MAP3K4: variants seen among roughly 807,000 people sequenced by gnomAD.
MAP3K4 encodes mitogen-activated protein kinase kinase kinase 4.
A neutral mutation model predicts 185.6 loss-of-function variants in MAP3K4; 67 were observed. The ratio of observed to expected loss-of-function variants is 0.36; its 90% CI spans 0.30 to 0.44. The LOEUF (loss-of-function observed/expected upper bound fraction) is 0.44. Ranked by LOEUF, MAP3K4 falls within the 20% of genes least tolerant of loss-of-function variation. The probability of loss-of-function intolerance (pLI) is 1.00; values close to 1 mark genes in which losing one functional copy is unlikely to be tolerated. For synonymous variants in MAP3K4, 702 were observed against 710.4 expected, an observed-to-expected ratio of 0.99 and a Z score of 0.19; for missense variants, 1,551 against 1,995.1, an observed-to-expected ratio of 0.78 and a Z score of 4.24.
Position 161,067,291 on chromosome 6 carries a change from T to TCA in MAP3K4, c.1708-3314_1708-3313dup, listed in dbSNP as rs1417666581. On this transcript the variant is annotated intron_variant, in intron 3 of 26. Coordinates refer to ENST00000392142, the MANE Select transcript of MAP3K4 (RefSeq NM_005922.4). The surrounding 1 kb of genome is among the most constrained non-coding windows in gnomAD (Gnocchi z 6.3). ...TCGAAGCAGGGATGGGGCTTGCAGG[T>TCA]CACAGGTAGGTAAGAGACAAAACGT... is the stretch of plus-strand genomic sequence containing the variant. 2 of 434,028 alleles carry TCA rather than the reference T, an allele frequency of 4.6e-6. No individual in the cohort carries two copies. The highest frequency in any genetic ancestry group is 3.3e-5 in the South Asian group (2 of 60,344). The allele number at this position is 434,028 out of a possible 1,614,324, so 26.9% of individuals were successfully genotyped here.
At position 161,093,250 on chromosome 6, in the gene MAP3K4, G is replaced by A. The variant is rs1026894553; in HGVS notation, c.3348+194G>A. On this transcript the variant is annotated intron_variant, in intron 14 of 26. Transcript: ENST00000392142. The surrounding 1 kb of genome is among the most constrained non-coding windows in gnomAD (Gnocchi z 5.2). ...GATTTTTTTTCTTTTTGTAACATTA[G>A]TGTTCAACTAAGTCAATGTCTGGTT... 1.3e-5 allele frequency among the ~76,000 whole-genome samples: 2 copies of A among 151,972 alleles called. No homozygotes were observed. The highest frequency in any genetic ancestry group is 6.5e-5 in the Admixed American group (1 of 15,268).
At chr6:161,032,784 G>C (rs1782990902) in intron 1 of MAP3K4, among the ~76,000 whole-genome samples, 1 of 152,168 alleles carries the variant, frequency 6.6e-6, no homozygotes, top group African/African-American at 2.4e-5. Context: ...AAATAATGTA[G>C]TTTAAGGAAA....
rs1777565951 is a variant in MAP3K4 at position 161,096,224 on chromosome 6, A to G, written c.3428-856A>G. On this transcript the variant is annotated intron_variant, in intron 15 of 26. Transcript: ENST00000392142. The surrounding 1 kb of genome is among the most constrained non-coding windows in gnomAD (Gnocchi z 4.9). ...CTGTCTCTCTTGTTTCCCCTTATTA[A>G]TAGGAAACAAAATCATGAAGAAACA... Among the ~76,000 whole-genome samples, 1 of 152,080 alleles carries G rather than the reference A, an allele frequency of 6.6e-6. No homozygotes were observed.
rs1785148671 is a variant in MAP3K4, at chr6:161,075,808, ATC to A, written c.2097+2202_2097+2203del. Among the ~76,000 whole-genome samples the A allele has an allele frequency of 6.6e-6, 1 of 152,192 alleles. No homozygotes were observed. The highest frequency in any genetic ancestry group is 1.5e-5 in the Non-Finnish European group (1 of 68,034). On this transcript the variant is annotated intron_variant, in intron 5 of 26. Coordinates refer to ENST00000392142, the MANE Select transcript of MAP3K4 (RefSeq NM_005922.4). The surrounding 1 kb of genome is among the most constrained non-coding windows in gnomAD (Gnocchi z 4.3). ...TTTGGCATTACTGTCAATTATCCAC[ATC>A]TCTCTTCTTACAGATGAAAAAACTA...
At chr6:161,033,770 C>T (rs995933067) in intron 1 of MAP3K4, among the ~76,000 whole-genome samples, 1 of 152,066 alleles carries the variant, frequency 6.6e-6, no homozygotes, top group Non-Finnish European at 1.5e-5. Flanking sequence ...CAAAGTGCTC[C>T]TATACATTCT....
At chr6:161,031,464 A>T (rs1364481543) in intron 1 of MAP3K4, among the ~76,000 whole-genome samples, 1 of 152,184 alleles carries the variant, frequency 6.6e-6, no homozygotes, top group African/African-American at 2.4e-5. Flanking sequence ...CTCAATTCCC[A>T]TGGCATGTAG....
chr6:161,103,563 C>T lies in MAP3K4; in HGVS notation c.3856+784C>T, dbSNP rs181915376. On this transcript the variant is annotated intron_variant, in intron 19 of 26. Transcript: ENST00000392142. The surrounding 1 kb of genome is among the most constrained non-coding windows in gnomAD (Gnocchi z 4.6). Reference sequence around the variant, plus strand: ...GTGACTACAGGGGAGAGCCACTGGGCGCAGATGCCAATGCAGGAGAAACTG... The same window carrying T: ...GTGACTACAGGGGAGAGCCACTGGGTGCAGATGCCAATGCAGGAGAAACTG... Among the ~76,000 whole-genome samples the T allele has an allele frequency of 1.1e-4, 17 of 152,218 alleles. No individual in the cohort carries two copies. The East Asian group carries it at 1.5e-3, about 14-fold the overall frequency.
chr6:161,092,856 A>C (rs563865373), intron 13 of MAP3K4, 122 bp from the exon 14 acceptor site: 1 of 539,610 alleles, frequency 1.9e-6, no homozygotes, highest in Admixed American at 3.4e-5. Context: ...AACCCAAGCA[A>C]AAAAAAGTGT....
In MAP3K4 at chr6:161,104,810, C is replaced by G. The variant is rs368511676; in HGVS notation, c.3857-1704C>G. ...GGCCTCACTGCTGTCAAAATCTTGC[C>G]CTGTGCTGGGTAGATTTGCAGTGTT... is the stretch of plus-strand genomic sequence containing the variant. On this transcript the variant is annotated intron_variant, in intron 19 of 26. Coordinates refer to ENST00000392142, the MANE Select transcript of MAP3K4 (RefSeq NM_005922.4). 5.9e-5 allele frequency among the ~76,000 whole-genome samples: 9 copies of G among 152,008 alleles called. No homozygotes were observed. In the East Asian group the frequency reaches 1.5e-3, roughly 26 times the overall value.
intron 15 of MAP3K4, among the ~76,000 whole-genome samples, chr6:161,095,342 G>C (rs1303898549): frequency 1.5e-4 from 23 of 152,204 alleles, no homozygotes; most frequent in Admixed American, 1.5e-3. Flanking sequence ...GTAAATTCTA[G>C]TGTTCCATAC....
Position 161,107,270 on chromosome 6 carries a change from G to A in MAP3K4, c.4048+565G>A, listed in dbSNP as rs536072192. 4.1e-4 allele frequency among the ~76,000 whole-genome samples: 62 copies of A among 152,122 alleles called. 1 individual carries two copies. The highest frequency in any genetic ancestry group is 8.4e-4 in the Non-Finnish European group (57 of 68,026). ...AATATATTTATCTGTCACACATCTA[G>A]GTCTGAAGGGGGCGAACACAGTTGT... On this transcript the variant is annotated intron_variant, in intron 20 of 26. Transcript: ENST00000392142. The surrounding 1 kb of genome is among the most constrained non-coding windows in gnomAD (Gnocchi z 6.2).
At position 161,034,421 on chromosome 6, in the gene MAP3K4, G is replaced by C. The variant is rs1374138256; in HGVS notation, c.315G>C (p.Gly105=). The change falls in exon 2 of 27, where the codon GGG becomes GGC. Residue 105 remains glycine, a synonymous_variant. Transcript: ENST00000392142. The surrounding 1 kb of genome is among the most constrained non-coding windows in gnomAD (Gnocchi z 4.4). The part of the protein sequence containing the change: ...MSTKHQRNNV[G]RPASRSNLKE... The stretch of plus-strand genomic sequence containing the variant: ...CCAAACATCAGAGGAATAATGTGGG[G>C]AGGCCAGCCAGTCGGTCTAATTTGA... 8.7e-6 allele frequency: 14 copies of C among 1,613,786 alleles called. No individual in the cohort carries two copies. The highest frequency in any genetic ancestry group is 1.7e-5 in the Admixed American group (1 of 60,002).
intron 3 of MAP3K4, among the ~76,000 whole-genome samples, chr6:161,052,674 TAA>T: frequency 6.6e-6 from 1 of 152,144 alleles, no homozygotes; most frequent in Non-Finnish European, 1.5e-5. Context: ...AGTGGGAAAG[TAA>T]GATTTTATTT....
chr6:160,993,508 G>A (rs546947222), intron 1 of MAP3K4, among the ~76,000 whole-genome samples: 1 of 152,262 alleles, frequency 6.6e-6, no homozygotes, highest in Non-Finnish European at 1.5e-5. Flanking sequence ...GAGGCACACA[G>A]TTTAAGTATC....
At position 160,996,128 on chromosome 6, in the gene MAP3K4, A is replaced by G. The variant is rs989315447; in HGVS notation, c.152+4045A>G. 6.7e-6 allele frequency among the ~76,000 whole-genome samples: 1 copy of G among 149,066 alleles called. No homozygotes were observed. The highest frequency in any genetic ancestry group is 2.5e-5 in the African/African-American group (1 of 39,686). ...GTTTCAGTCTTGACCTTGTATGTCAACTGTTCTCCCTGGCAAAGTCAGCCT... is the reference window on the plus strand; with the variant it reads ...GTTTCAGTCTTGACCTTGTATGTCAGCTGTTCTCCCTGGCAAAGTCAGCCT... On this transcript the variant is annotated intron_variant, in intron 1 of 26. Transcript: ENST00000392142. This position sits in a 1 kb window ranked among gnomAD's most constrained non-coding sequence, Gnocchi z 4.5.
intron 1 of MAP3K4, among the ~76,000 whole-genome samples, chr6:161,010,221 A>G (rs2115075525): frequency 6.6e-6 from 1 of 152,294 alleles, no homozygotes; most frequent in South Asian, 2.1e-4. Context: ...GCCTGGTACT[A>G]TATGCACCAC....
rs189788406 is a variant in MAP3K4 at position 161,053,678 on chromosome 6, G to T, written c.1707+3699G>T. On this transcript the variant is annotated intron_variant, in intron 3 of 26. Coordinates refer to ENST00000392142, the MANE Select transcript of MAP3K4 (RefSeq NM_005922.4). This position sits in a 1 kb window ranked among gnomAD's most constrained non-coding sequence, Gnocchi z 4.2. ...AAGATCTCGGCTCACTGCAACCTCT[G>T]TCTCCCGGGTTCAGGCAATTCTCCT... 6.7e-6 allele frequency among the ~76,000 whole-genome samples: 1 copy of T among 150,352 alleles called. No individual in the cohort carries two copies. The highest frequency in any genetic ancestry group is 2.5e-5 in the African/African-American group (1 of 40,624).
Position 161,109,316 on chromosome 6 carries a change from T to C in MAP3K4, c.4237-439T>C, listed in dbSNP as rs1778243737. On this transcript the variant is annotated intron_variant, in intron 22 of 26. Transcript: ENST00000392142. The surrounding 1 kb of genome is among the most constrained non-coding windows in gnomAD (Gnocchi z 5.7). Reference sequence around the variant, plus strand: ...ACACGTCGAGGGAAAGAGGATAACTTGGAGCATCGTGGTGTAGAGCATGAG... The same window carrying C: ...ACACGTCGAGGGAAAGAGGATAACTCGGAGCATCGTGGTGTAGAGCATGAG... Among the ~76,000 whole-genome samples, 1 of 152,152 alleles carries C rather than the reference T, an allele frequency of 6.6e-6. No homozygotes were observed. The highest frequency in any genetic ancestry group is 2.1e-4 in the South Asian group (1 of 4,824).
At chr6:161,023,253 A>G (rs1437777897) in intron 1 of MAP3K4, among the ~76,000 whole-genome samples, 7 of 152,222 alleles carry the variant, frequency 4.6e-5, no homozygotes, top group Non-Finnish European at 1.0e-4. Flanking sequence ...AAACTTTATC[A>G]TGATAGTAAA....
Sources: gnomAD v4.1 joint callset for allele counts (sites outside exome capture counted in the v4.1 genomes callset) on GRCh38, gnomAD v4.1.1 for gene constraint, Gnocchi (gnomAD v3.1) non-coding constraint, MANE v1.5 for transcripts, NCBI Gene and HGNC (gene_info 2026-07-23, HGNC 2026-07-21) for gene names.